The following CAPN8 variants were observed in gnomAD, a reference collection of about 807,000 sequenced individuals.
The protein encoded by CAPN8 is calpain 8.
A neutral mutation model predicts 80.9 loss-of-function variants in CAPN8; 87 were observed. That is an observed-to-expected ratio of 1.07 (90% confidence interval 0.90 to 1.28). The LOEUF is 1.28. Ranked by LOEUF, CAPN8 falls within the 50% of genes most tolerant of loss-of-function variation. CAPN8 has a pLI of 0.00. For missense variants in CAPN8, 757 were observed against 702.0 expected (o/e 1.08, Z -0.89); for synonymous variants, 299 against 273.8 (o/e 1.09, Z -0.91).
Position 223,661,165 on chromosome 1 carries a change from TAA to T in CAPN8, c.237+4243_237+4244del, listed in dbSNP as rs60908710. On this transcript the variant is annotated intron_variant, in intron 1 of 20. Coordinates refer to ENST00000366872, the MANE Select transcript of CAPN8 (RefSeq NM_001143962.2). Reference sequence around the variant, plus strand: ...TAGGCAACAGAGTGAGACCCTGTCTTAAAAAAAAAAAAAAAAAGGCAAAGAAC... The same window carrying T: ...TAGGCAACAGAGTGAGACCCTGTCTTAAAAAAAAAAAAAAAGGCAAAGAAC... Among the ~76,000 whole-genome samples, 1,081 of 136,026 alleles carry T rather than the reference TAA, an allele frequency of 7.9e-3. 3 individuals carry two copies. Among genetic ancestry groups the T allele is most frequent in the Non-Finnish European group, 9.9e-3 (622 of 63,076 alleles). The allele number at this position is 136,026 out of a possible 152,430, so 89.2% of individuals were successfully genotyped here.
At chr1:223,638,035 A>G (rs899568323) in intron 2 of CAPN8, among the ~76,000 whole-genome samples, 1 of 152,106 alleles carries the variant, frequency 6.6e-6, no homozygotes, top group Non-Finnish European at 1.5e-5. Context: ...TTCTGTATCC[A>G]TGGGTACCAT....
chr1:223,655,694 A>C (rs1295536909), intron 1 of CAPN8, among the ~76,000 whole-genome samples: 2 of 152,176 alleles, frequency 1.3e-5, no homozygotes, highest in Non-Finnish European at 2.9e-5. Context: ...AGGGCCCAAC[A>C]GGGATGATGG....
At position 223,627,023 on chromosome 1, in the gene CAPN8, A is replaced by G; in HGVS notation, c.695T>C (p.Leu232Pro). The G allele has an allele frequency of 1.3e-6, 2 of 1,551,906 alleles. No individual in the cohort carries two copies. The highest frequency in any genetic ancestry group is 1.2e-5 in the South Asian group (1 of 84,058). The stretch of plus-strand genomic sequence containing the variant: ...GCAGCCCAGCAGAGACCCCGCACAG[A>G]GGGCCTTCCGGATGATCTGATATAG... ...ANLYQIIRKA[L>P]CAGSLLGCSI... is the part of the protein sequence containing the mutation. Residue 232 changes from leucine to proline, a missense_variant, in exon 5 of 21, where the codon CTC (leucine) becomes CCC (proline). Coordinates refer to ENST00000366872, the MANE Select transcript of CAPN8 (RefSeq NM_001143962.2).
intron 2 of CAPN8, among the ~76,000 whole-genome samples, chr1:223,630,266 G>A (rs1360023154): frequency 6.7e-6 from 1 of 149,952 alleles, no homozygotes; most frequent in Non-Finnish European, 1.5e-5. Flanking sequence ...CTCTCTTTTT[G>A]TCTGTCTGTC....
At chr1:223,618,385 C>T (rs1657267184) in intron 9 of CAPN8, 1 of 1,445,334 alleles carries the variant, frequency 6.9e-7, no homozygotes, top group South Asian at 1.2e-5. Context: ...TTGCACCATA[C>T]TATCTCCACC....
chr1:223,651,823 A>G (rs1330376474), intron 2 of CAPN8, among the ~76,000 whole-genome samples: 6 of 152,220 alleles, frequency 3.9e-5, no homozygotes, highest in Admixed American at 3.9e-4. Context: ...GTGAAATGAC[A>G]CCAAATAATG....
At chr1:223,635,194 TG>T (rs1657883458) in intron 2 of CAPN8, among the ~76,000 whole-genome samples, 1 of 152,242 alleles carries the variant, frequency 6.6e-6, no homozygotes, top group Non-Finnish European at 1.5e-5. Context: ...CTGCTCTAAA[TG>T]TTTTTATACA....
At chr1:223,665,180 G>A (rs574331428) in intron 1 of CAPN8, among the ~76,000 whole-genome samples, 10 of 152,002 alleles carry the variant, frequency 6.6e-5, no homozygotes, top group African/African-American at 1.9e-4. Context: ...TCAAACCCAG[G>A]AGGTAGAGGT....
chr1:223,554,810 TA>T (rs1263327373), intron 13 of CAPN8, among the ~76,000 whole-genome samples: 1 of 152,234 alleles, frequency 6.6e-6, no homozygotes. Flanking sequence ...GGGGCCATTT[TA>T]GGAATCAAAT....
rs34761307 is a variant in CAPN8 at position 223,621,243 on chromosome 1, CTTT to C, written c.900-980_900-978del. Among the ~76,000 whole-genome samples, 797 of 143,688 alleles carry C rather than the reference CTTT, an allele frequency of 5.5e-3. 4 individuals are homozygous for C. Among genetic ancestry groups the C allele is most frequent in the African/African-American group, 0.016 (605 of 38,970 alleles). 94.3% of individuals were successfully genotyped at this position (143,688 alleles called of 152,430 possible). A position where few individuals can be genotyped will look rare whatever the true frequency, so the allele number is the denominator to read the frequency against. ...CTACTGCTCCAATTTCTTTTTTTTA[CTTT>C]TTTTTTTTTTTTTTAAGTAAAATCT... is the stretch of plus-strand genomic sequence containing the variant. On this transcript the variant is annotated intron_variant, in intron 7 of 20. Transcript: ENST00000366872.
At chr1:223,663,560 C>A (rs1276389292) in intron 1 of CAPN8, among the ~76,000 whole-genome samples, 1 of 152,206 alleles carries the variant, frequency 6.6e-6, no homozygotes, top group East Asian at 1.9e-4. Flanking sequence ...CAGCTTCTCC[C>A]TGACCACCTT....
intron 1 of CAPN8, among the ~76,000 whole-genome samples, chr1:223,660,915 C>T (rs1347620592): frequency 6.6e-6 from 1 of 152,116 alleles, no homozygotes; most frequent in Non-Finnish European, 1.5e-5. Flanking sequence ...ACCTGTAATC[C>T]CAACATTTTG....
At chr1:223,551,469 T>C (rs1189064344) in intron 14 of CAPN8, among the ~76,000 whole-genome samples, 1 of 152,144 alleles carries the variant, frequency 6.6e-6, no homozygotes, top group Admixed American at 6.5e-5. Context: ...GCAGGTGGCA[T>C]CTTTAAAAAC....
At chr1:223,646,126 A>T (rs935762547) in intron 2 of CAPN8, among the ~76,000 whole-genome samples, 3 of 152,194 alleles carry the variant, frequency 2.0e-5, no homozygotes, top group African/African-American at 7.2e-5. Flanking sequence ...AGACAACAAG[A>T]GGGCGGTGAC....
intron 14 of CAPN8, among the ~76,000 whole-genome samples, chr1:223,551,815 A>G (rs1656793088): frequency 6.6e-6 from 1 of 152,228 alleles, no homozygotes; most frequent in South Asian, 2.1e-4. Context: ...TGTAGCTACC[A>G]AGAGGCAGAG....
intron 9 of CAPN8, among the ~76,000 whole-genome samples, chr1:223,616,593 G>A (rs1657196961): frequency 6.6e-6 from 1 of 152,208 alleles, no homozygotes; most frequent in Non-Finnish European, 1.5e-5. Flanking sequence ...CAGTAGAGGA[G>A]AAAGTCCCTG....
At chr1:223,557,131 T>C (rs1656923268) in intron 13 of CAPN8, among the ~76,000 whole-genome samples, 1 of 152,152 alleles carries the variant, frequency 6.6e-6, no homozygotes, top group Non-Finnish European at 1.5e-5. Flanking sequence ...ACATGGGGCA[T>C]GCATTTTCTA....
At chr1:223,662,521 G>A (rs1242630841) in intron 1 of CAPN8, among the ~76,000 whole-genome samples, 1 of 152,048 alleles carries the variant, frequency 6.6e-6, no homozygotes, top group African/African-American at 2.4e-5. Flanking sequence ...GAATGAATGG[G>A]GAGTTTTTAA....
intron 1 of CAPN8, among the ~76,000 whole-genome samples, chr1:223,656,670 TTTTTTGTTTTG>T (rs1658498414): frequency 1.5e-5 from 1 of 68,022 alleles, no homozygotes; most frequent in Non-Finnish European, 3.1e-5. Flanking sequence ...CGTTTTGGGT[TTTTTTGTTTTG>T]TTTTTTTTTT....
Sources: gnomAD v4.1 joint callset for allele counts (sites outside exome capture counted in the v4.1 genomes callset) on GRCh38, gnomAD v4.1.1 for gene constraint, MANE v1.5 for transcripts, NCBI Gene and HGNC (gene_info 2026-07-23, HGNC 2026-07-21) for gene names.